Variants in TNNI3K observed in about 807,000 individuals in gnomAD.
The protein encoded by TNNI3K is serine/threonine-protein kinase TNNI3K.
TNNI3K carries 140 observed loss-of-function variants against 114.5 expected under a neutral mutation model. That is an observed-to-expected ratio of 1.22 (90% CI 1.07 to 1.41). TNNI3K has a LOEUF of 1.41. Ranked by LOEUF, TNNI3K falls within the 40% of genes most tolerant of loss-of-function variation. The pLI, the probability that TNNI3K is intolerant of heterozygous loss-of-function variation, is 0.00. For missense variants in TNNI3K, 1,125 were observed against 1,007.6 expected (o/e 1.12, Z -1.58); for synonymous variants, 347 against 347.5 (o/e 1.00, Z 0.02).
intron 17 of TNNI3K, among the ~76,000 whole-genome samples, chr1:74,435,259 T>G (rs747539860): frequency 2.0e-5 from 3 of 152,086 alleles, no homozygotes; most frequent in Non-Finnish European, 4.4e-5. Context: ...TTTGATTTAC[T>G]TCTTAAAAAG....
In TNNI3K at chr1:74,433,377, C is replaced by T. The variant is rs672061; in HGVS notation, c.1773-2703C>T. Among the ~76,000 whole-genome samples, 800 of 152,164 alleles carry T rather than the reference C, an allele frequency of 5.3e-3. 7 individuals carry two copies. The highest frequency in any genetic ancestry group is 0.018 in the African/African-American group (753 of 41,536). On this transcript the variant is annotated intron_variant, in intron 17 of 24. Transcript: ENST00000326637. ...TGCCAGCTTCAACCCTGCCTGCCCC[C>T]CTTCATGAACTTCACTCCATATAGG... is the stretch of plus-strand genomic sequence containing the variant.
rs140916236 is a variant in TNNI3K at position 74,403,414 on chromosome 1, T to C, written c.1773-32666T>C. Among the ~76,000 whole-genome samples, 144 of 152,310 alleles carry C rather than the reference T, an allele frequency of 9.5e-4. 1 individual carries two copies. The highest frequency in any genetic ancestry group is 1.5e-4 in the Non-Finnish European group (10 of 68,016). On this transcript the variant is annotated intron_variant, in intron 17 of 24. Transcript: ENST00000326637. Reference sequence around the variant, plus strand: ...TTATATTTTGTTCCAAATTTTCTAGTTCTGAAGTAACATTTGTTCTCTCCC... The same window carrying C: ...TTATATTTTGTTCCAAATTTTCTAGCTCTGAAGTAACATTTGTTCTCTCCC...
At position 74,500,603 on chromosome 1, in the gene TNNI3K, C is replaced by CAAAAAAAAA. The variant is rs561290319; in HGVS notation, c.2351+8385_2351+8393dup. ...TGGGCGACAGAGCGAGACTCCGTCT[C>CAAAAAAAAA]AAAAAAAAAAAAAAAAAAAAAAAAA... On this transcript the variant is annotated intron_variant, in intron 23 of 24. Transcript: ENST00000326637. Among the ~76,000 whole-genome samples, 8 of 43,290 alleles carry CAAAAAAAAA rather than the reference C, an allele frequency of 1.8e-4. 1 individual carries two copies. The highest frequency in any genetic ancestry group is 3.4e-4 in the Non-Finnish European group (8 of 23,248). The allele number at this position is 43,290 out of a possible 152,430, so 28.4% of individuals were successfully genotyped here. A position where few individuals can be genotyped will look rare whatever the true frequency, so the allele number is the denominator to read the frequency against.
intron 2 of TNNI3K, among the ~76,000 whole-genome samples, chr1:74,238,178 A>G (rs906625567): frequency 1.8e-4 from 27 of 152,062 alleles, no homozygotes; most frequent in Admixed American, 6.6e-5. Context: ...TGTCTTCACC[A>G]TATTATCTGA....
intron 21 of TNNI3K, among the ~76,000 whole-genome samples, chr1:74,477,387 T>A (rs562788422): frequency 6.6e-6 from 1 of 152,286 alleles, no homozygotes; most frequent in Non-Finnish European, 1.5e-5. Flanking sequence ...GAATGTTCAT[T>A]GTGATTTGTG....
chr1:74,312,477 G>C (rs1288562411), intron 5 of TNNI3K, among the ~76,000 whole-genome samples: 2 of 152,178 alleles, frequency 1.3e-5, no homozygotes, highest in African/African-American at 4.8e-5. Flanking sequence ...AGATAAACAG[G>C]GTATCTTCTA....
intron 4 of TNNI3K, among the ~76,000 whole-genome samples, chr1:74,253,433 G>T (rs1357183184): frequency 1.3e-5 from 2 of 152,114 alleles, no homozygotes; most frequent in African/African-American, 4.8e-5. Flanking sequence ...GCCCATGGCA[G>T]GGGGTCGGGG....
intron 13 of TNNI3K, 115 bp from the exon 14 acceptor site, chr1:74,368,904 TAAA>T: frequency 1.1e-6 from 1 of 907,102 alleles, no homozygotes; most frequent in Non-Finnish European, 1.6e-6. Context: ...GTTGGAAAAT[TAAA>T]AATTAAATGT....
chr1:74,493,953 A>G (rs1669204524), intron 23 of TNNI3K, among the ~76,000 whole-genome samples: 1 of 152,218 alleles, frequency 6.6e-6, no homozygotes, highest in African/African-American at 2.4e-5. Context: ...GGCATGGGTA[A>G]CTGGAGTGGG....
chr1:74,520,343 T>C (rs1646413773), intron 23 of TNNI3K, among the ~76,000 whole-genome samples: 1 of 152,198 alleles, frequency 6.6e-6, no homozygotes, highest in African/African-American at 2.4e-5. Flanking sequence ...TTCCGACTTT[T>C]CTGAAGAATT....
At chr1:74,458,730 T>C (rs181277722) in intron 20 of TNNI3K, among the ~76,000 whole-genome samples, 3 of 152,326 alleles carry the variant, frequency 2.0e-5, no homozygotes, top group Admixed American at 6.5e-5. Flanking sequence ...TCCAGTTAAA[T>C]AACACTTTTA....
At chr1:74,489,136 G>C in intron 21 of TNNI3K, 53 bp from the exon 22 acceptor site, 3 of 1,496,294 alleles carry the variant, frequency 2.0e-6, no homozygotes, top group Non-Finnish European at 2.7e-6. Flanking sequence ...CATCCAAAGA[G>C]AGTCTCCTTC....
At chr1:74,282,780 T>C (rs969246702) in intron 5 of TNNI3K, among the ~76,000 whole-genome samples, 1 of 152,168 alleles carries the variant, frequency 6.6e-6, no homozygotes, top group Non-Finnish European at 1.5e-5. Context: ...TGTTTTTATT[T>C]CACACAATGC....
chr1:74,240,779 T>A (rs915619232), intron 2 of TNNI3K: 22 of 151,934 alleles, frequency 1.4e-4, no homozygotes, highest in African/African-American at 5.3e-4. Context: ...TTCTTTTTCT[T>A]TTTCTTTTTT....
At chr1:74,388,183 C>T (rs1159315300) in intron 17 of TNNI3K, among the ~76,000 whole-genome samples, 2 of 151,920 alleles carry the variant, frequency 1.3e-5, no homozygotes, top group Admixed American at 1.3e-4. Flanking sequence ...GAGGCTGAGG[C>T]AGAAGAATGG....
intron 9 of TNNI3K, among the ~76,000 whole-genome samples, chr1:74,351,719 G>A (rs1469170052): frequency 1.3e-5 from 2 of 151,936 alleles, no homozygotes; most frequent in Admixed American, 1.3e-4. Flanking sequence ...CATTGATTTT[G>A]TCTTCCATCA....
intron 2 of TNNI3K, among the ~76,000 whole-genome samples, chr1:74,247,340 T>C (rs1415386944): frequency 6.6e-6 from 1 of 152,182 alleles, no homozygotes; most frequent in Non-Finnish European, 1.5e-5. Flanking sequence ...GTGATCTTGC[T>C]GGCTTCAGGA....
At chr1:74,493,254 T>C (rs898643763) in intron 23 of TNNI3K, among the ~76,000 whole-genome samples, 8 of 152,152 alleles carry the variant, frequency 5.3e-5, no homozygotes, top group Admixed American at 1.3e-4. Flanking sequence ...CCAGTTTTAT[T>C]TGGGGCTGAT....
At chr1:74,416,018 A>G (rs1665099994) in intron 17 of TNNI3K, among the ~76,000 whole-genome samples, 1 of 152,116 alleles carries the variant, frequency 6.6e-6, no homozygotes, top group South Asian at 2.1e-4. Context: ...GTCTTCTAGG[A>G]TGACCCAGTC....
Sources: gnomAD v4.1 joint callset for allele counts (sites outside exome capture counted in the v4.1 genomes callset) on GRCh38, gnomAD v4.1.1 for gene constraint, MANE v1.5 for transcripts, NCBI Gene and HGNC (gene_info 2026-07-23, HGNC 2026-07-21) for gene names.